The following BRAP variants were observed in gnomAD, a reference collection of about 807,000 sequenced individuals.
BRAP encodes the protein BRCA1 associated protein.
Under a neutral mutation model 73.4 loss-of-function variants are expected in BRAP, and 42 were observed. The ratio of observed to expected loss-of-function variants is 0.57; its 90% CI spans 0.45 to 0.74. BRAP has a LOEUF of 0.74. BRAP is among the 30% of genes least tolerant of loss of function. The probability of loss-of-function intolerance (pLI) is 0.00; values close to 1 mark genes in which losing one functional copy is unlikely to be tolerated. For missense variants in BRAP, 593 were observed against 751.4 expected (o/e 0.79, Z 2.46); for synonymous variants, 255 against 267.4 (o/e 0.95, Z 0.45).
chr12:111,650,640 G>C (rs1397442589), intron 10 of BRAP, among the ~76,000 whole-genome samples: 1 of 152,190 alleles, frequency 6.6e-6, no homozygotes, highest in Non-Finnish European at 1.5e-5. Context: ...AGTGAGGCTT[G>C]CCTCGGCCTC....
chr12:111,647,800 CAGG>C (rs796981665), intron 11 of BRAP, among the ~76,000 whole-genome samples: 18 of 151,058 alleles, frequency 1.2e-4, no homozygotes, highest in African/African-American at 4.4e-4. Flanking sequence ...GAGGCTGAGG[CAGG>C]AGAATTGCTT....
intron 4 of BRAP, among the ~76,000 whole-genome samples, chr12:111,675,453 G>C (rs1176720217): frequency 6.7e-6 from 1 of 149,340 alleles, no homozygotes; most frequent in Non-Finnish European, 1.5e-5. Context: ...CTTGGTATTA[G>C]AAATGCACCT....
At chr12:111,679,092 A>T in intron 4 of BRAP, 59 bp downstream of exon 4, 1 of 1,259,748 alleles carries the variant, frequency 7.9e-7, no homozygotes, top group African/African-American at 1.5e-5. Context: ...GCTATCATAC[A>T]GTTTGAATAC....
rs748980085 is a variant in BRAP, at chr12:111,659,321, C to T, written c.997G>A (p.Gly333Ser). 6.2e-6 allele frequency: 10 copies of T among 1,613,080 alleles called. No individual in the cohort carries two copies. Among genetic ancestry groups the T allele is most frequent in the Non-Finnish European group, 7.6e-6 (9 of 1,179,620 alleles). Residue 333 changes from glycine to serine, a missense_variant, in exon 8 of 12, where the codon GGC becomes AGC. By Grantham distance (56) the Gly-to-Ser change is moderately conservative. Transcript: ENST00000419234. ...ACATACCGTCCACATCCTATGTGGC[C>T]GCATATTAAACAAATCCAAAGATTC... is the stretch of plus-strand genomic sequence containing the variant. ...QENLWICLIC[G>S]HIGCGRYVSR...
intron 2 of BRAP, 150 bp downstream of exon 2, chr12:111,682,996 T>G (rs1265353153): frequency 2.5e-6 from 2 of 797,098 alleles, no homozygotes. Flanking sequence ...AACACTAACA[T>G]GTGGCTTAAC....
intron 4 of BRAP, among the ~76,000 whole-genome samples, chr12:111,674,229 T>C (rs1711848022): frequency 6.6e-6 from 1 of 152,044 alleles, no homozygotes; most frequent in Admixed American, 6.6e-5. Flanking sequence ...GAATTCTTGA[T>C]TACTTATGCT....
At chr12:111,658,901 A>G in intron 8 of BRAP, 56 bp from the exon 9 acceptor site, 1 of 1,396,900 alleles carries the variant, frequency 7.2e-7, no homozygotes, top group Non-Finnish European at 9.9e-7. Context: ...GTCTCTGTAC[A>G]CTTTTAACTC....
chr12:111,651,887 C>T lies in BRAP; in HGVS notation c.1312-1845G>A, dbSNP rs148233112. ...TCCTGACCTCATGATCTGCCCGCCT[C>T]GGCCTCCCAAAGTGCTAGGATTACA... On this transcript the variant is annotated intron_variant, in intron 10 of 11. Coordinates refer to ENST00000419234, the MANE Select transcript of BRAP (RefSeq NM_006768.5). Among the ~76,000 whole-genome samples the T allele has an allele frequency of 9.4e-4, 143 of 152,160 alleles. 2 individuals are homozygous for T. Among genetic ancestry groups the T allele is most frequent in the African/African-American group, 3.2e-3 (134 of 41,530 alleles).
At position 111,669,848 on chromosome 12, in the gene BRAP, G is replaced by A. The variant is rs1203857997; in HGVS notation, c.747+2813C>T. 3.2e-5 allele frequency: 20 copies of A among 628,930 alleles called. No individual in the cohort carries two copies. In the East Asian group the frequency reaches 5.5e-4, roughly 17 times the overall value. 39.0% of individuals were successfully genotyped at this position (628,930 alleles called of 1,614,324 possible). On this transcript the variant is annotated intron_variant, in intron 5 of 11. Transcript: ENST00000419234. ...CCCCACACCCCAATTTCAAAACATC[G>A]TTTAATTGTCTTGGTCATTGACATT...
At position 111,665,829 on chromosome 12, in the gene BRAP, A is replaced by G. The variant is rs777517561; in HGVS notation, c.748-42T>C. On this transcript the variant is annotated intron_variant, in intron 5 of 11. Transcript: ENST00000419234. The surrounding 1 kb of genome is among the most constrained non-coding windows in gnomAD (Gnocchi z 4.3). ...ACATAAGCCTCACTCTTCATCTACC[A>G]GCAATACTTTATTTTTCCTTCTTTT... 6.2e-7 allele frequency: 1 copy of G among 1,610,010 alleles called. No individual in the cohort carries two copies. The highest frequency in any genetic ancestry group is 1.1e-5 in the South Asian group (1 of 91,038).
intron 10 of BRAP, among the ~76,000 whole-genome samples, chr12:111,651,964 T>G (rs765623957): frequency 2.6e-5 from 4 of 152,066 alleles, no homozygotes; most frequent in Non-Finnish European, 1.5e-5. Flanking sequence ...TGTACTTCTC[T>G]GTCATAAAAA....
At chr12:111,650,990 C>T (rs1331351789) in intron 10 of BRAP, among the ~76,000 whole-genome samples, 1 of 152,094 alleles carries the variant, frequency 6.6e-6, no homozygotes, top group Non-Finnish European at 1.5e-5. Flanking sequence ...ATACTGGATC[C>T]ACTCCTGTGT....
At chr12:111,654,442 A>C (rs1463378806) in intron 10 of BRAP, among the ~76,000 whole-genome samples, 1 of 151,574 alleles carries the variant, frequency 6.6e-6, no homozygotes, top group Non-Finnish European at 1.5e-5. Context: ...CAGCCTCCTG[A>C]GTAGCTGGGA....
At chr12:111,671,615 T>C (rs113587779) in intron 5 of BRAP, among the ~76,000 whole-genome samples, 11 of 151,424 alleles carry the variant, frequency 7.3e-5, no homozygotes, top group African/African-American at 2.7e-4. Flanking sequence ...CCCAGCACTT[T>C]GGAAGGCCAT....
chr12:111,661,337 C>T (rs1189821241), intron 6 of BRAP, among the ~76,000 whole-genome samples: 20 of 143,072 alleles, frequency 1.4e-4, no homozygotes, highest in African/African-American at 3.1e-4. Flanking sequence ...TGGAGTGCAA[C>T]GGCATAGTAT....
At chr12:111,673,322 T>G (rs575432258) in intron 4 of BRAP, 1 of 152,246 alleles carries the variant, frequency 6.6e-6, no homozygotes, top group Non-Finnish European at 1.5e-5. Context: ...CTGACCAACA[T>G]GGAGAAACCC....
intron 10 of BRAP, 61 bp downstream of exon 10, chr12:111,655,505 C>A: frequency 7.5e-7 from 1 of 1,341,818 alleles, no homozygotes; most frequent in African/African-American, 1.4e-5. Context: ...CCTTCCACAC[C>A]CCCCATCAGA....
chr12:111,669,671 A>T (rs1404821549), intron 5 of BRAP, among the ~76,000 whole-genome samples: 3 of 152,200 alleles, frequency 2.0e-5, no homozygotes, highest in African/African-American at 7.2e-5. Flanking sequence ...ATCTGTATAT[A>T]AAACATAAAT....
At chr12:111,654,692 T>C (rs1886453689) in intron 10 of BRAP, among the ~76,000 whole-genome samples, 1 of 152,206 alleles carries the variant, frequency 6.6e-6, no homozygotes, top group South Asian at 2.1e-4. Flanking sequence ...CTGGGGCCCA[T>C]GGCCCTGCCT....
Sources: allele counts gnomAD v4.1 joint callset (sites outside exome capture counted in the v4.1 genomes callset), GRCh38; gene constraint gnomAD v4.1.1; non-coding constraint Gnocchi (gnomAD v3.1); transcripts MANE v1.5; gene names NCBI Gene and HGNC (gene_info 2026-07-23, HGNC 2026-07-21).